CNTN4: variants seen among roughly 807,000 people sequenced by gnomAD.
The protein encoded by CNTN4 is contactin 4, also known as contactin-4.
A neutral mutation model predicts 122.5 loss-of-function variants in CNTN4; 77 were observed. The ratio of observed to expected loss-of-function variants is 0.63; its 90% CI spans 0.52 to 0.76. The LOEUF is 0.76. Among genes scored for constraint, CNTN4 ranks in the 30% least tolerant of loss-of-function variants. The pLI is 0.00. For missense variants in CNTN4, 1,256 were observed against 1,259.1 expected (o/e 1.00, Z 0.04); for synonymous variants, 512 against 447.0 (o/e 1.15, Z -1.83).
chr3:2,805,947 G>T (rs938958340), intron 6 of CNTN4, among the ~76,000 whole-genome samples: 1 of 152,086 alleles, frequency 6.6e-6, no homozygotes, highest in Non-Finnish European at 1.5e-5. Context: ...TGTCGCCCAG[G>T]CTGGAGTGCA....
chr3:2,677,482 ATATCTATCTATCTATC>A (rs68070708), intron 4 of CNTN4, among the ~76,000 whole-genome samples: 1 of 120,940 alleles, frequency 8.3e-6, no homozygotes, highest in Non-Finnish European at 1.8e-5. Flanking sequence ...CTATCCATCT[ATATCTATCTATCTATC>A]TATCTATCTA....
intron 3 of CNTN4, among the ~76,000 whole-genome samples, chr3:2,393,839 G>A (rs1025330946): frequency 2.0e-5 from 3 of 151,208 alleles, no homozygotes; most frequent in African/African-American, 7.3e-5. Flanking sequence ...CTTTAGACAG[G>A]GTAGTAGGAA....
At chr3:2,596,587 AT>A (rs112204538) in intron 4 of CNTN4, among the ~76,000 whole-genome samples, 3 of 151,654 alleles carry the variant, frequency 2.0e-5, no homozygotes, top group East Asian at 1.9e-4. Context: ...CACATTTTGT[AT>A]TTTTTTTCAT....
intron 14 of CNTN4, among the ~76,000 whole-genome samples, chr3:3,009,786 A>G (rs1238504987): frequency 1.3e-5 from 2 of 152,174 alleles, no homozygotes; most frequent in African/African-American, 2.4e-5. Flanking sequence ...TTGTCCTCAC[A>G]TGTCTATTGA....
chr3:2,264,685 C>T (rs1055203185), intron 2 of CNTN4, among the ~76,000 whole-genome samples: 26 of 151,984 alleles, frequency 1.7e-4, no homozygotes, highest in African/African-American at 6.3e-4. Context: ...CTTTTGAGGC[C>T]TTACCCCAAA....
At chr3:3,038,679 A>G (rs913237468) in intron 18 of CNTN4, among the ~76,000 whole-genome samples, 3 of 152,168 alleles carry the variant, frequency 2.0e-5, no homozygotes, top group Non-Finnish European at 2.9e-5. Flanking sequence ...GAGCTGAACA[A>G]TTGGTCAGAC....
At chr3:2,119,971 A>C (rs1403208998) in intron 2 of CNTN4, among the ~76,000 whole-genome samples, 1 of 152,130 alleles carries the variant, frequency 6.6e-6, no homozygotes, top group African/African-American at 2.4e-5. Flanking sequence ...GAGTCAAGAA[A>C]GGCTTCTTGG....
intron 4 of CNTN4, among the ~76,000 whole-genome samples, chr3:2,611,172 C>G (rs894068912): frequency 2.6e-5 from 4 of 151,618 alleles, no homozygotes; most frequent in Non-Finnish European, 5.9e-5. Context: ...TGATGGACTT[C>G]AAACTCTTTG....
intron 2 of CNTN4, among the ~76,000 whole-genome samples, chr3:2,326,463 A>T (rs2043460839): frequency 6.7e-6 from 1 of 148,992 alleles, no homozygotes; most frequent in Non-Finnish European, 1.5e-5. Context: ...TAATTGTGTG[A>T]GCCAATTCCT....
chr3:2,633,375 T>G (rs1218767244), intron 4 of CNTN4, among the ~76,000 whole-genome samples: 1 of 152,208 alleles, frequency 6.6e-6, no homozygotes, highest in Non-Finnish European at 1.5e-5. Context: ...TTAGTTACAT[T>G]CAGTGCTATG....
At chr3:3,012,083 C>G (rs974146836) in intron 14 of CNTN4, among the ~76,000 whole-genome samples, 2 of 152,092 alleles carry the variant, frequency 1.3e-5, no homozygotes, top group African/African-American at 4.8e-5. Flanking sequence ...AATTTGCATC[C>G]AGATTTTTCT....
chr3:2,982,924 G>A (rs1694163910), intron 13 of CNTN4, among the ~76,000 whole-genome samples: 2 of 151,616 alleles, frequency 1.3e-5, no homozygotes, highest in African/African-American at 2.4e-5. Context: ...AAAAAAAATA[G>A]CACAAAGCTT....
At chr3:2,388,413 C>A (rs1005207117) in intron 3 of CNTN4, among the ~76,000 whole-genome samples, 1 of 152,200 alleles carries the variant, frequency 6.6e-6, no homozygotes, top group East Asian at 1.9e-4. Flanking sequence ...GGAGCCCACA[C>A]TGGCCTCCCT....
intron 3 of CNTN4, among the ~76,000 whole-genome samples, chr3:2,458,563 G>C (rs1341328614): frequency 6.6e-6 from 1 of 152,048 alleles, no homozygotes; most frequent in Non-Finnish European, 1.5e-5. Context: ...AGATCATTTG[G>C]GAGCGGACAA....
chr3:2,967,146 G>A (rs1466025091), intron 13 of CNTN4, among the ~76,000 whole-genome samples: 2 of 152,092 alleles, frequency 1.3e-5, no homozygotes, highest in African/African-American at 4.8e-5. Context: ...GGGAGCAGGG[G>A]GCAGTGAGTC....
At position 2,849,411 on chromosome 3, in the gene CNTN4, C is replaced by A. The variant is rs546444417; in HGVS notation, c.455-17341C>A. On this transcript the variant is annotated intron_variant, in intron 7 of 24. Coordinates refer to ENST00000418658, the MANE Select transcript of CNTN4 (RefSeq NM_175607.3). ...ACTTACAAATGATTAAAATGGTAAACTTTTATATGTATTTTGCCACACTAA... is the reference window on the plus strand; with the variant it reads ...ACTTACAAATGATTAAAATGGTAAAATTTTATATGTATTTTGCCACACTAA... Among the ~76,000 whole-genome samples the A allele has an allele frequency of 7.9e-5, 12 of 152,246 alleles. No homozygotes were observed. The East Asian group carries it at 2.1e-3, about 27-fold the overall frequency.
intron 4 of CNTN4, among the ~76,000 whole-genome samples, chr3:2,719,097 C>A (rs2087678076): frequency 6.6e-6 from 1 of 152,122 alleles, no homozygotes; most frequent in South Asian, 2.1e-4. Context: ...ATCAGCTTGT[C>A]AGTGAAGATA....
chr3:2,237,699 T>C (rs2039738927), intron 2 of CNTN4, among the ~76,000 whole-genome samples: 1 of 152,172 alleles, frequency 6.6e-6, no homozygotes, highest in African/African-American at 2.4e-5. Context: ...GCAGGGATTT[T>C]AAAGAAATGG....
chr3:2,806,852 C>T (rs1346692183), intron 6 of CNTN4, among the ~76,000 whole-genome samples: 1 of 152,080 alleles, frequency 6.6e-6, no homozygotes, highest in East Asian at 1.9e-4. Context: ...GATTTATCCT[C>T]CCACACTTAG....
Sources: allele counts gnomAD v4.1 joint callset (sites outside exome capture counted in the v4.1 genomes callset), GRCh38; gene constraint gnomAD v4.1.1; transcripts MANE v1.5; gene names NCBI Gene and HGNC (gene_info 2026-07-23, HGNC 2026-07-21).